Variants in TBXAS1 observed in about 807,000 individuals in gnomAD.
TBXAS1 encodes the protein thromboxane-A synthase.
In TBXAS1, 48 loss-of-function variants were observed where a neutral mutation model predicts 60.7. The observed-to-expected ratio is 0.79, with a 90% confidence interval of 0.63 to 1.01. The LOEUF (loss-of-function observed/expected upper bound fraction) is 1.01, where lower values mean the gene tolerates loss of function less well. Among genes scored for constraint, TBXAS1 ranks in the 50% least tolerant of loss-of-function variants. TBXAS1 has a pLI of 0.00. For synonymous variants in TBXAS1, 287 were observed against 269.7 expected (o/e 1.06, Z -0.63); for missense variants, 685 against 686.3 (o/e 1.00, Z 0.02).
chr7:139,948,505 C>T (rs78978903), intron 5 of TBXAS1, among the ~76,000 whole-genome samples: 3,179 of 152,134 alleles, frequency 0.021, 118 homozygotes, highest in African/African-American at 0.073. Context: ...ATAAGAACTC[C>T]CAATAAATCA....
intron 3 of TBXAS1, among the ~76,000 whole-genome samples, chr7:139,906,753 CATG>C (rs35698909): frequency 0.25 from 38,578 of 151,944 alleles, 5,056 homozygotes; most frequent in South Asian, 0.43. Flanking sequence ...AATCCATGAA[CATG>C]ATATGTTTCT....
intron 2 of TBXAS1, among the ~76,000 whole-genome samples, chr7:139,781,465 A>G (rs2117217778): frequency 6.6e-6 from 1 of 152,322 alleles, no homozygotes; most frequent in East Asian, 1.9e-4. Flanking sequence ...GAGGACAGCC[A>G]GGACGGGGGA....
intron 4 of TBXAS1, among the ~76,000 whole-genome samples, chr7:139,912,461 C>T (rs1254991114): frequency 6.6e-6 from 1 of 152,168 alleles, no homozygotes; most frequent in African/African-American, 2.4e-5. Context: ...TCCAATTAGA[C>T]CTCACTTTTC....
rs559710474 is a variant in TBXAS1, at chr7:139,817,252, G to A, written c.-79-12060G>A. ...GCTGTCTTTCTCGACAGCACTTGGC[G>A]CCCATCCCTTCCTCTTCCACCCTGC... On this transcript the variant is annotated intron_variant, in intron 4 of 16. Coordinates refer to the TBXAS1 transcript ENST00000336425. Among the ~76,000 whole-genome samples the A allele has an allele frequency of 8.0e-5, 12 of 150,360 alleles. No homozygotes were observed. The South Asian group carries it at 1.9e-3, about 24-fold the overall frequency.
intron 6 of TBXAS1, 135 bp downstream of exon 6, chr7:139,953,591 C>G: frequency 1.2e-6 from 1 of 828,698 alleles, no homozygotes; most frequent in Non-Finnish European, 2.0e-6. Context: ...CATGGATGGA[C>G]TGATTAATAA....
chr7:139,933,839 C>T (rs1012798731), intron 4 of TBXAS1, among the ~76,000 whole-genome samples: 1 of 138,680 alleles, frequency 7.2e-6, no homozygotes, highest in Non-Finnish European at 1.5e-5. Context: ...GGTCCCCCAA[C>T]CGCCTGTCTC....
Position 139,778,559 on chromosome 7 carries a change from C to G in TBXAS1, c.-318+88C>G, listed in dbSNP as rs943218573. The G allele has an allele frequency of 1.3e-5, 2 of 152,286 alleles. No homozygotes were observed. Among genetic ancestry groups the G allele is most frequent in the Non-Finnish European group, 2.9e-5 (2 of 68,104 alleles). The allele number at this position is 152,286 out of a possible 1,614,324, so 9.4% of individuals were successfully genotyped here. A position where few individuals can be genotyped will look rare whatever the true frequency, so the allele number is the denominator to read the frequency against. Reference sequence around the variant, plus strand: ...AGTGGAGGAGCTTCGGAAAGCCACACGAGGTCAGAGGCACCGAAGCCCTGC... The same window carrying G: ...AGTGGAGGAGCTTCGGAAAGCCACAGGAGGTCAGAGGCACCGAAGCCCTGC... On this transcript the variant is annotated intron_variant, in intron 1 of 16. Coordinates refer to the TBXAS1 transcript ENST00000336425. This position sits in a 1 kb window ranked among gnomAD's most constrained non-coding sequence, Gnocchi z 4.8.
chr7:139,935,950 C>T (rs938913245), intron 4 of TBXAS1, among the ~76,000 whole-genome samples: 10 of 152,332 alleles, frequency 6.6e-5, no homozygotes, highest in South Asian at 6.2e-4. Context: ...ATGACCACAT[C>T]GCAGCAGGGT....
chr7:139,784,631 C>T lies in TBXAS1; in HGVS notation c.-169+1902C>T, dbSNP rs144972024. Among the ~76,000 whole-genome samples, 5 of 152,316 alleles carry T rather than the reference C, an allele frequency of 3.3e-5. No individual in the cohort carries two copies. In the East Asian group the frequency reaches 7.7e-4, roughly 24 times the overall value. Reference sequence around the variant, plus strand: ...TGTAAGAAATTATAATATTGCTAAACATGCAAAGCAAGGCCGAGACAGTGG... The same window carrying T: ...TGTAAGAAATTATAATATTGCTAAATATGCAAAGCAAGGCCGAGACAGTGG... On this transcript the variant is annotated intron_variant, in intron 3 of 16. Transcript: ENST00000336425.
chr7:139,984,635 A>G lies in TBXAS1; in HGVS notation c.1134+22402A>G, dbSNP rs915990346. Among the ~76,000 whole-genome samples, 127 of 130,976 alleles carry G rather than the reference A, an allele frequency of 9.7e-4. 1 individual carries two copies. Among genetic ancestry groups the G allele is most frequent in the African/African-American group, 3.6e-3 (122 of 33,552 alleles). The allele number at this position is 130,976 out of a possible 152,430, so 85.9% of individuals were successfully genotyped here. ...AAGAAAGAGAGAGAGAGAGAGAGAG[A>G]GAGAGAGAAAGAAAGAAAGGGAAGG... On this transcript the variant is annotated intron_variant, in intron 9 of 12. Coordinates refer to ENST00000448866, the MANE Select transcript of TBXAS1 (RefSeq NM_001061.7).
At chr7:139,836,387 TG>T (rs1318439942) in intron 1 of TBXAS1, among the ~76,000 whole-genome samples, 1 of 152,164 alleles carries the variant, frequency 6.6e-6, no homozygotes, top group African/African-American at 2.4e-5. Context: ...AGAACAAATC[TG>T]GAGGCCTCAC....
At chr7:140,019,988 ATC>A in intron 12 of TBXAS1, 35 bp from the exon 13 acceptor site, 5 of 1,594,374 alleles carry the variant, frequency 3.1e-6, no homozygotes, top group Non-Finnish European at 4.3e-6. Context: ...AGATGCTACT[ATC>A]TCTTTGACAA....
chr7:139,943,553 C>G (rs1379298996), intron 5 of TBXAS1, among the ~76,000 whole-genome samples: 2 of 152,234 alleles, frequency 1.3e-5, no homozygotes, highest in Non-Finnish European at 2.9e-5. Context: ...AAAAGAGCAT[C>G]TAAATGTGCC....
chr7:139,779,089 A>C (rs908892651), intron 1 of TBXAS1, among the ~76,000 whole-genome samples: 1 of 152,226 alleles, frequency 6.6e-6, no homozygotes, highest in African/African-American at 2.4e-5. Flanking sequence ...GTACTGGACA[A>C]GTGTACTGGA....
chr7:139,935,729 G>A (rs1332188400), intron 4 of TBXAS1, among the ~76,000 whole-genome samples: 1 of 152,076 alleles, frequency 6.6e-6, no homozygotes, highest in African/African-American at 2.4e-5. Context: ...ACCCATACAA[G>A]GGTCCAGACG....
chr7:139,910,752 T>C (rs1584830993), intron 3 of TBXAS1, among the ~76,000 whole-genome samples: 1 of 152,370 alleles, frequency 6.6e-6, no homozygotes, highest in African/African-American at 2.4e-5. Flanking sequence ...AGCATCTGTT[T>C]ATTAATTCAC....
chr7:139,823,192 G>A (rs945646631), intron 4 of TBXAS1, among the ~76,000 whole-genome samples: 1 of 151,788 alleles, frequency 6.6e-6, no homozygotes, highest in Non-Finnish European at 1.5e-5. Flanking sequence ...GTTTGTGTCC[G>A]CTCTGTGCCC....
At chr7:139,887,281 A>G (rs1803184865) in intron 3 of TBXAS1, among the ~76,000 whole-genome samples, 1 of 152,216 alleles carries the variant, frequency 6.6e-6, no homozygotes, top group Non-Finnish European at 1.5e-5. Flanking sequence ...TATGCATCAC[A>G]CAAAATGTAC....
chr7:139,890,898 G>GTT (rs140919636), intron 3 of TBXAS1, among the ~76,000 whole-genome samples: 2 of 149,964 alleles, frequency 1.3e-5, no homozygotes, highest in African/African-American at 4.9e-5. Flanking sequence ...TGTTTAATGT[G>GTT]TTTTTTTTTC....
Sources: gnomAD v4.1 joint callset for allele counts (sites outside exome capture counted in the v4.1 genomes callset) on GRCh38, gnomAD v4.1.1 for gene constraint, Gnocchi (gnomAD v3.1) non-coding constraint, MANE v1.5 for transcripts, NCBI Gene and HGNC (gene_info 2026-07-23, HGNC 2026-07-21) for gene names.